Variants in FAM184A observed in about 807,000 individuals in gnomAD.
The protein encoded by FAM184A is family with sequence similarity 184 member A.
FAM184A carries 99 observed loss-of-function variants against 143.8 expected under a neutral mutation model. That is an observed-to-expected ratio of 0.69 (90% CI 0.58 to 0.81). FAM184A has a LOEUF of 0.81. Among genes scored for constraint, FAM184A ranks in the 40% least tolerant of loss-of-function variants. The probability of loss-of-function intolerance (pLI) is 0.00; values close to 1 mark genes in which losing one functional copy is unlikely to be tolerated. For synonymous variants in FAM184A, 427 were observed against 446.4 expected, an observed-to-expected ratio of 0.96 and a Z score of 0.55; for missense variants, 1,217 against 1,310.5, an observed-to-expected ratio of 0.93 and a Z score of 1.10.
At chr6:118,991,573 G>A (rs1784377167) in intron 9 of FAM184A, among the ~76,000 whole-genome samples, 1 of 151,952 alleles carries the variant, frequency 6.6e-6, no homozygotes, top group African/African-American at 2.4e-5. Flanking sequence ...AGCCCCTGAA[G>A]GTGAAAGCAA....
chr6:118,961,409 TAAAC>T (rs1783320598), intron 17 of FAM184A, among the ~76,000 whole-genome samples: 1 of 151,018 alleles, frequency 6.6e-6, no homozygotes, highest in African/African-American at 2.4e-5. Flanking sequence ...AACCACTTAG[TAAAC>T]AAAAAATTAT....
At chr6:119,045,010 A>G (rs533796014) in intron 1 of FAM184A, among the ~76,000 whole-genome samples, 52 of 152,332 alleles carry the variant, frequency 3.4e-4, no homozygotes, top group African/African-American at 1.0e-3. Flanking sequence ...GATCTCTTCT[A>G]ATTTGGAATG....
chr6:119,139,516 T>A (rs75988668), intron 1 of FAM184A, among the ~76,000 whole-genome samples: 3 of 152,234 alleles, frequency 2.0e-5, no homozygotes, highest in African/African-American at 7.2e-5. Context: ...ATCCCTGACA[T>A]GTTTTACAGC....
At chr6:119,114,224 T>C (rs1582628303) in intron 1 of FAM184A, among the ~76,000 whole-genome samples, 1 of 152,192 alleles carries the variant, frequency 6.6e-6, no homozygotes, top group African/African-American at 2.4e-5. Context: ...GGGCAGTGTT[T>C]CTCTCCACCT....
At chr6:119,137,651 T>A (rs1166524060) in intron 1 of FAM184A, among the ~76,000 whole-genome samples, 1 of 152,180 alleles carries the variant, frequency 6.6e-6, no homozygotes, top group Non-Finnish European at 1.5e-5. Context: ...TGCACAAATA[T>A]GATTGCAAAA....
intron 1 of FAM184A, among the ~76,000 whole-genome samples, chr6:119,074,276 G>C (rs1787794273): frequency 6.6e-6 from 1 of 152,212 alleles, no homozygotes; most frequent in Admixed American, 6.5e-5. Flanking sequence ...AAAGCAGGAA[G>C]AGTAGAAAAA....
chr6:119,089,290 AC>A (rs1009872838), intron 1 of FAM184A, among the ~76,000 whole-genome samples: 1 of 149,948 alleles, frequency 6.7e-6, no homozygotes, highest in African/African-American at 2.5e-5. Flanking sequence ...TGCAACCTCC[AC>A]CTCCCAGGTT....
chr6:119,011,112 T>C (rs1785074985), intron 6 of FAM184A, 197 bp downstream of exon 6: 1 of 479,100 alleles, frequency 2.1e-6, no homozygotes, highest in Admixed American at 4.0e-5. Flanking sequence ...CTTAGTTTAA[T>C]GTTTTTGACA....
chr6:119,085,363 G>A (rs12206988), intron 1 of FAM184A, among the ~76,000 whole-genome samples: 28,332 of 152,150 alleles, frequency 0.19, 3,036 homozygotes, highest in South Asian at 0.27. Flanking sequence ...CAGATCCCTA[G>A]GGCAGGGGCA....
At chr6:118,990,759 C>T (rs1482049337) in intron 9 of FAM184A, among the ~76,000 whole-genome samples, 2 of 151,812 alleles carry the variant, frequency 1.3e-5, no homozygotes, top group East Asian at 3.9e-4. Flanking sequence ...ATGGCACACA[C>T]CTGTAATTCC....
Position 118,980,167 on chromosome 6 carries a change from T to C in FAM184A, c.2272A>G (p.Met758Val), listed in dbSNP as rs755407520. 3 of 1,614,156 alleles carry C rather than the reference T, an allele frequency of 1.9e-6. No homozygotes were observed. Among genetic ancestry groups the C allele is most frequent in the Non-Finnish European group, 2.5e-6 (3 of 1,179,978 alleles). ...KEAHVLAFQT[M>V]EEEKEKEQRA... is the part of the protein sequence containing the mutation. ...TGCTCCTTTTCCTTTTCCTCTTCCATAGTTTGAAATGCAAGGACATGTGCT... is the reference window on the plus strand; with the variant it reads ...TGCTCCTTTTCCTTTTCCTCTTCCACAGTTTGAAATGCAAGGACATGTGCT... Residue 758 changes from methionine to valine, a missense_variant, in exon 10 of 18, where the codon ATG (methionine) becomes GTG (valine). Met to Val is a conservative substitution (Grantham distance 21). Transcript: ENST00000338891.
At chr6:119,028,317 G>A (rs901464702) in intron 1 of FAM184A, among the ~76,000 whole-genome samples, 13 of 152,160 alleles carry the variant, frequency 8.5e-5, no homozygotes, top group African/African-American at 2.7e-4. Flanking sequence ...AATCTCTTGC[G>A]GGATAGGAGC....
chr6:119,024,270 C>G lies in FAM184A; in HGVS notation c.703G>C (p.Glu235Gln). The G allele has an allele frequency of 1.2e-6, 2 of 1,614,198 alleles. No individual in the cohort carries two copies. Among genetic ancestry groups the G allele is most frequent in the Non-Finnish European group, 1.7e-6 (2 of 1,180,034 alleles). ...MEVESLNKMLEELRLERKKLI... is the reference protein window; with the variant it reads ...MEVESLNKMLQELRLERKKLI... Reference sequence around the variant, plus strand: ...TTCTTCCGTTCAAGTCTTAGCTCCTCAAGCATTTTGTTTAGGGACTCCACC... The same window carrying G: ...TTCTTCCGTTCAAGTCTTAGCTCCTGAAGCATTTTGTTTAGGGACTCCACC... Residue 235 changes from glutamate to glutamine, a missense_variant, in exon 2 of 18, where the codon GAG becomes CAG. Physicochemically the swap from Glu to Gln is conservative, Grantham distance 29. Transcript: ENST00000338891.
intron 1 of FAM184A, among the ~76,000 whole-genome samples, chr6:119,105,191 A>C (rs1031669247): frequency 6.6e-6 from 1 of 152,200 alleles, no homozygotes; most frequent in Non-Finnish European, 1.5e-5. Flanking sequence ...CTAATATAAA[A>C]TGTTAACAAC....
chr6:119,010,364 T>C (rs965195977), intron 6 of FAM184A, among the ~76,000 whole-genome samples: 2 of 152,184 alleles, frequency 1.3e-5, no homozygotes, highest in African/African-American at 4.8e-5. Context: ...AGTTTCTGAG[T>C]GCTTATTTCT....
intron 1 of FAM184A, among the ~76,000 whole-genome samples, chr6:119,028,915 G>A (rs1785765742): frequency 6.6e-6 from 1 of 152,130 alleles, no homozygotes; most frequent in Non-Finnish European, 1.5e-5. Context: ...ATACTCATTT[G>A]GTGTCCACTA....
chr6:119,008,406 T>G (rs1209576758), intron 6 of FAM184A, among the ~76,000 whole-genome samples: 1 of 152,206 alleles, frequency 6.6e-6, no homozygotes, highest in Non-Finnish European at 1.5e-5. Context: ...AAAAGGTTTT[T>G]TGCCAGCTCC....
chr6:119,070,409 T>A (rs1000940465), intron 1 of FAM184A, among the ~76,000 whole-genome samples: 2 of 152,266 alleles, frequency 1.3e-5, no homozygotes, highest in Middle Eastern at 3.4e-3. Flanking sequence ...CTTGCAAATA[T>A]CATTGTTTCA....
rs772584052 is a variant in FAM184A at position 118,961,823 on chromosome 6, C to T, written c.3279G>A (p.Glu1093=). 12 of 1,613,858 alleles carry T rather than the reference C, an allele frequency of 7.4e-6. No individual in the cohort carries two copies. Among genetic ancestry groups the T allele is most frequent in the African/African-American group, 1.3e-5 (1 of 74,992 alleles). The change falls in exon 17 of 18, where the codon GAG becomes GAA. Residue 1093 remains glutamate (E), a synonymous_variant. Coordinates refer to ENST00000338891, the MANE Select transcript of FAM184A (RefSeq NM_024581.6). ...GTGGAAGTGGTTTGCTGCTGTTGAA[C>T]TCAATATCGTGGACTGGAGAATTAG... The part of the protein sequence containing the change: ...PIPNSPVHDI[E]FNSSKPLPQP...
Sources: allele counts gnomAD v4.1 joint callset (sites outside exome capture counted in the v4.1 genomes callset), GRCh38; gene constraint gnomAD v4.1.1; transcripts MANE v1.5; gene names NCBI Gene and HGNC (gene_info 2026-07-23, HGNC 2026-07-21).